Variants in JARID2 observed in about 807,000 individuals in gnomAD.
JARID2 encodes the protein protein Jumonji.
Under a neutral mutation model 125.6 loss-of-function variants are expected in JARID2, and 21 were observed. The observed-to-expected ratio is 0.17, with a 90% CI of 0.12 to 0.24. The LOEUF (loss-of-function observed/expected upper bound fraction) is 0.24, where lower values mean the gene tolerates loss of function less well. Ranked by LOEUF, JARID2 falls within the 10% of genes least tolerant of loss-of-function variation. The probability of loss-of-function intolerance (pLI) is 1.00; values close to 1 mark genes in which losing one functional copy is unlikely to be tolerated. For missense variants in JARID2, 1,303 were observed against 1,639.6 expected, an observed-to-expected ratio of 0.79 and a Z score of 3.55; for synonymous variants, 736 against 661.6, an observed-to-expected ratio of 1.11 and a Z score of -1.73.
chr6:15,484,613 C>G (rs1333017345), intron 5 of JARID2, among the ~76,000 whole-genome samples: 5 of 152,204 alleles, frequency 3.3e-5, no homozygotes, highest in Non-Finnish European at 5.9e-5. Flanking sequence ...GGAACATCTG[C>G]TATTCCCCAG....
intron 1 of JARID2, among the ~76,000 whole-genome samples, chr6:15,301,548 A>C (rs1270160025): frequency 6.6e-6 from 1 of 152,194 alleles, no homozygotes; most frequent in East Asian, 1.9e-4. Context: ...CCACTAAGCG[A>C]GTATTACATG....
At chr6:15,509,088 C>T (rs1291190663) in intron 12 of JARID2, 1 of 1,289,216 alleles carries the variant, frequency 7.8e-7, no homozygotes, top group Non-Finnish European at 1.0e-6. Flanking sequence ...TGTTGCCTGG[C>T]GAGGTGTTCT....
At chr6:15,375,538 C>T (rs1424940910) in intron 2 of JARID2, among the ~76,000 whole-genome samples, 1 of 152,118 alleles carries the variant, frequency 6.6e-6, no homozygotes, top group East Asian at 1.9e-4. Context: ...CAATTTAGAC[C>T]CTCATAGCTG....
At chr6:15,368,642 G>C in intron 1 of JARID2, 4 of 466,758 alleles carry the variant, frequency 8.6e-6, no homozygotes, top group South Asian at 6.1e-5. Context: ...ATGATTAAAG[G>C]AACTAGCATT....
Position 15,469,282 on chromosome 6 carries a change from CTGTCTCTG to C in JARID2, c.670+566_670+573del, listed in dbSNP as rs1250960487. Among the ~76,000 whole-genome samples the C allele has an allele frequency of 7.3e-5, 6 of 82,398 alleles. No individual in the cohort carries two copies. In the East Asian group the frequency reaches 1.4e-3, roughly 19 times the overall value. 54.1% of individuals were successfully genotyped at this position (82,398 alleles called of 152,430 possible). On this transcript the variant is annotated intron_variant, in intron 5 of 17. Transcript: ENST00000341776. ...CTTTTCTCTCTGTCTCTCTGTCTCT[CTGTCTCTG>C]TCTCTCTGTCTCTGTCTCTCTCTCT...
intron 1 of JARID2, among the ~76,000 whole-genome samples, chr6:15,345,136 T>C (rs1307750783): frequency 6.6e-6 from 1 of 152,220 alleles, no homozygotes; most frequent in Non-Finnish European, 1.5e-5. Context: ...GTATAGTTTC[T>C]TCATTTCTAA....
intron 1 of JARID2, among the ~76,000 whole-genome samples, chr6:15,252,066 A>G (rs944749012): frequency 1.2e-4 from 18 of 152,198 alleles, no homozygotes; most frequent in African/African-American, 3.9e-4. Flanking sequence ...TGGGCCAGAC[A>G]TTTTTAAGAT....
intron 7 of JARID2, among the ~76,000 whole-genome samples, chr6:15,498,452 C>T (rs1581648483): frequency 6.6e-6 from 1 of 152,284 alleles, no homozygotes; most frequent in East Asian, 1.9e-4. Context: ...ACTGGGGACA[C>T]AGGGTGAGGA....
At chr6:15,271,467 G>A (rs1412861208) in intron 1 of JARID2, among the ~76,000 whole-genome samples, 2 of 152,086 alleles carry the variant, frequency 1.3e-5, no homozygotes, top group Admixed American at 1.3e-4. Flanking sequence ...CGAAGGGTAG[G>A]GTTCCCAATA....
At chr6:15,302,767 C>T (rs1761678506) in intron 1 of JARID2, among the ~76,000 whole-genome samples, 1 of 152,072 alleles carries the variant, frequency 6.6e-6, no homozygotes, top group South Asian at 2.1e-4. Context: ...TGGAGTCTTG[C>T]TATGTCGCCC....
intron 1 of JARID2, among the ~76,000 whole-genome samples, chr6:15,278,585 C>G (rs1760628516): frequency 6.6e-6 from 1 of 151,562 alleles, no homozygotes; most frequent in African/African-American, 2.4e-5. Flanking sequence ...GACTCCGTCT[C>G]AAAAAATAAA....
chr6:15,250,902 C>CT (rs1759421851), intron 1 of JARID2, among the ~76,000 whole-genome samples: 1 of 144,302 alleles, frequency 6.9e-6, no homozygotes, highest in Admixed American at 7.2e-5. Flanking sequence ...TAATTGGTGT[C>CT]TGTTACCTTC....
intron 1 of JARID2, chr6:15,324,504 C>T (rs891850303): frequency 2.6e-5 from 4 of 151,786 alleles, no homozygotes; most frequent in African/African-American, 9.7e-5. Flanking sequence ...TCTTCTTTTT[C>T]TTTTTTTTAA....
chr6:15,438,190 T>A (rs902745676), intron 3 of JARID2, among the ~76,000 whole-genome samples: 9 of 152,160 alleles, frequency 5.9e-5, no homozygotes, highest in African/African-American at 2.2e-4. Flanking sequence ...TTCCCAGGAC[T>A]GATATATGGC....
intron 17 of JARID2, among the ~76,000 whole-genome samples, 183 bp downstream of exon 17, chr6:15,517,451 A>AGC (rs1311241156): frequency 6.6e-6 from 1 of 152,076 alleles, no homozygotes; most frequent in African/African-American, 2.4e-5. Context: ...TCCCAGGGGG[A>AGC]GCGGGGTTCC....
chr6:15,325,750 G>T (rs1266092354), intron 1 of JARID2, among the ~76,000 whole-genome samples: 3 of 152,168 alleles, frequency 2.0e-5, no homozygotes, highest in Non-Finnish European at 2.9e-5. Context: ...AAGGCGAAAA[G>T]TAGTACCATG....
chr6:15,422,347 T>C (rs1446076101), intron 3 of JARID2, among the ~76,000 whole-genome samples: 1 of 152,210 alleles, frequency 6.6e-6, no homozygotes, highest in Admixed American at 6.5e-5. Context: ...ACCTTTCCCA[T>C]GGAAATCTTC....
At chr6:15,351,667 T>A (rs1466734052) in intron 1 of JARID2, among the ~76,000 whole-genome samples, 1 of 152,210 alleles carries the variant, frequency 6.6e-6, no homozygotes, top group Non-Finnish European at 1.5e-5. Flanking sequence ...TTTAATTTGC[T>A]CTTCTTGGGG....
chr6:15,418,973 G>A (rs900779270), intron 3 of JARID2, among the ~76,000 whole-genome samples: 1 of 152,164 alleles, frequency 6.6e-6, no homozygotes, highest in Non-Finnish European at 1.5e-5. Context: ...AAGCCCAAAT[G>A]TATACGAATC....
Sources: gnomAD v4.1 joint callset for allele counts (sites outside exome capture counted in the v4.1 genomes callset) on GRCh38, gnomAD v4.1.1 for gene constraint, MANE v1.5 for transcripts, NCBI Gene and HGNC (gene_info 2026-07-23, HGNC 2026-07-21) for gene names.